Variants in IPO7 observed in about 807,000 individuals in gnomAD.
IPO7 encodes importin-7.
In IPO7, 13 loss-of-function variants were observed where a neutral mutation model predicts 136.4. The observed-to-expected ratio is 0.10, with a 90% CI of 0.06 to 0.15. IPO7 has a LOEUF of 0.15. Ranked by LOEUF, IPO7 falls within the 10% of genes least tolerant of loss-of-function variation. The pLI is 1.00. For missense variants in IPO7, 857 were observed against 1,240.6 expected (o/e 0.69, Z 4.65); for synonymous variants, 403 against 404.4 (o/e 1.00, Z 0.04).
intron 4 of IPO7, 80 bp from the exon 5 acceptor site, chr11:9,414,175 G>T: frequency 2.0e-6 from 2 of 1,007,942 alleles, no homozygotes; most frequent in South Asian, 2.0e-5. Context: ...TTATATTTGT[G>T]TAAATAAATG....
intron 5 of IPO7, among the ~76,000 whole-genome samples, chr11:9,415,692 G>A (rs1855031835): frequency 6.6e-6 from 1 of 152,002 alleles, no homozygotes; most frequent in Non-Finnish European, 1.5e-5. Flanking sequence ...CAAAAAATTA[G>A]CTGGGCGTGG....
At chr11:9,418,036 T>C (rs933530225) in intron 6 of IPO7, among the ~76,000 whole-genome samples, 13 of 149,690 alleles carry the variant, frequency 8.7e-5, no homozygotes, top group African/African-American at 2.7e-4. Flanking sequence ...TCTAGAGATA[T>C]AGGGGAATTT....
intron 1 of IPO7, among the ~76,000 whole-genome samples, chr11:9,392,776 C>T (rs1019707505): frequency 2.0e-5 from 3 of 151,878 alleles, no homozygotes; most frequent in African/African-American, 7.3e-5. Context: ...TGGCAAAACC[C>T]TGTCTCTACT....
intron 1 of IPO7, among the ~76,000 whole-genome samples, chr11:9,387,342 C>T (rs1417457381): frequency 1.3e-5 from 2 of 152,208 alleles, no homozygotes; most frequent in African/African-American, 4.8e-5. Flanking sequence ...CCTTCTGCCT[C>T]AGAGTCTTTG....
At chr11:9,443,448 C>T (rs1034006814) in intron 24 of IPO7, among the ~76,000 whole-genome samples, 2 of 150,786 alleles carry the variant, frequency 1.3e-5, no homozygotes, top group African/African-American at 2.4e-5. Flanking sequence ...CAAAATTAGC[C>T]AGGCGTGGTA....
chr11:9,392,100 A>T (rs1169747692), intron 1 of IPO7: 1 of 318,112 alleles, frequency 3.1e-6, no homozygotes, highest in African/African-American at 2.3e-5. Flanking sequence ...CTACGACTAT[A>T]ATGACTTAAC....
chr11:9,436,869 T>TATATATATATATATATA (rs1491472277), intron 20 of IPO7, among the ~76,000 whole-genome samples: 25 of 13,568 alleles, frequency 1.8e-3, no homozygotes, highest in Non-Finnish European at 2.2e-3. Context: ...TATATATATA[T>TATATATATATATATATA]TTTTTTTTTT....
chr11:9,423,764 T>C lies in IPO7; in HGVS notation c.1042-13T>C. On this transcript the variant is annotated splice_polypyrimidine_tract_variant and intron_variant, in intron 9 of 24. Coordinates refer to ENST00000379719, the MANE Select transcript of IPO7 (RefSeq NM_006391.3). The stretch of plus-strand genomic sequence containing the variant: ...AACTGATGGTTATTGTTTTCTTAAC[T>C]TTTAAATTGCAGGGCATTATCCAAG... 2 of 1,521,646 alleles carry C rather than the reference T, an allele frequency of 1.3e-6. No individual in the cohort carries two copies. The highest frequency in any genetic ancestry group is 1.8e-6 in the Non-Finnish European group (2 of 1,117,544). The allele number at this position is 1,521,646 out of a possible 1,614,324, so 94.3% of individuals were successfully genotyped here. A position where few individuals can be genotyped will look rare whatever the true frequency, so the allele number is the denominator to read the frequency against.
rs1855528925 is a variant in IPO7 at position 9,446,417 on chromosome 11, T to C, written c.*1223T>C. 6.6e-6 allele frequency: 1 copy of C among 152,172 alleles called. No homozygotes were observed. Among genetic ancestry groups the C allele is most frequent in the Admixed American group, 6.6e-5 (1 of 15,244 alleles). 9.4% of individuals were successfully genotyped at this position (152,172 alleles called of 1,614,324 possible). ...ATCGTGGTATCTGATCTTGACTAGA[T>C]AGGCTGAAGGCACATGGTTCCCTCC... On this transcript the variant is annotated 3_prime_UTR_variant, in exon 25 of 25. Transcript: ENST00000379719.
chr11:9,402,837 C>T (rs867018993), intron 1 of IPO7: 27 of 160,242 alleles, frequency 1.7e-4, no homozygotes, highest in South Asian at 3.2e-4. Flanking sequence ...TTGGGGGCGA[C>T]AGTAAGACTG....
In IPO7 at chr11:9,438,045, G is replaced by GTTTTTTTTTTTTTTT. The variant is rs202038310; in HGVS notation, c.2490-17_2490-3dup. 5.5e-5 allele frequency: 60 copies of GTTTTTTTTTTTTTTT among 1,093,640 alleles called. 2 individuals are homozygous for GTTTTTTTTTTTTTTT. Among genetic ancestry groups the GTTTTTTTTTTTTTTT allele is most frequent in the East Asian group, 2.2e-4 (6 of 27,708 alleles). 67.7% of individuals were successfully genotyped at this position (1,093,640 alleles called of 1,614,324 possible). On this transcript the variant is annotated intron_variant, in intron 21 of 24. Transcript: ENST00000379719. ...TCTGCTTATTTAAGAAAAGAAAACAGTTTTTTTTTTTTTTTTTTTTTTTTT... is the reference window on the plus strand; with the variant it reads ...TCTGCTTATTTAAGAAAAGAAAACAGTTTTTTTTTTTTTTTTTTTTTTTTTTTTTTTTTTTTTTTT...
chr11:9,444,196 C>T (rs544528021), intron 24 of IPO7, among the ~76,000 whole-genome samples: 75 of 149,584 alleles, frequency 5.0e-4, no homozygotes, highest in African/African-American at 1.7e-3. Context: ...GAGAATCGCT[C>T]GAACCTGGGA....
Position 9,422,989 on chromosome 11 carries a change from G to A in IPO7, c.907-17G>A, listed in dbSNP as rs371973107. The A allele has an allele frequency of 5.3e-5, 80 of 1,497,602 alleles. No homozygotes were observed. The highest frequency in any genetic ancestry group is 6.4e-5 in the Non-Finnish European group (71 of 1,113,574). 92.8% of individuals were successfully genotyped at this position (1,497,602 alleles called of 1,614,324 possible). A position where few individuals can be genotyped will look rare whatever the true frequency, so the allele number is the denominator to read the frequency against. ...TCTATTTGAACATTGATTTGTGATC[G>A]AAAATTTTTTTCCAAGGTTTTATTG... is the stretch of plus-strand genomic sequence containing the variant. On this transcript the variant is annotated splice_polypyrimidine_tract_variant and intron_variant, in intron 8 of 24. Coordinates refer to ENST00000379719, the MANE Select transcript of IPO7 (RefSeq NM_006391.3).
chr11:9,429,510 A>T (rs938371525), intron 14 of IPO7, among the ~76,000 whole-genome samples, 164 bp from the exon 15 acceptor site: 3 of 149,884 alleles, frequency 2.0e-5, no homozygotes, highest in African/African-American at 4.9e-5. Flanking sequence ...CCTCTTATAA[A>T]ATATATATAT....
At chr11:9,441,343 A>C (rs1370645149) in intron 23 of IPO7, among the ~76,000 whole-genome samples, 1 of 152,186 alleles carries the variant, frequency 6.6e-6, no homozygotes, top group Non-Finnish European at 1.5e-5. Flanking sequence ...ATTTACTTGG[A>C]TTTCAACAAG....
At chr11:9,428,702 A>G (rs1013587758) in intron 13 of IPO7, 73 bp downstream of exon 13, 1 of 860,238 alleles carries the variant, frequency 1.2e-6, no homozygotes, top group Non-Finnish European at 2.0e-6. Flanking sequence ...TTATATTGAA[A>G]CTTTTAAATG....
At chr11:9,392,171 C>CTTTTTTTTT (rs59866244) in intron 1 of IPO7, 110 of 185,118 alleles carry the variant, frequency 5.9e-4, no homozygotes, top group South Asian at 1.5e-3. Context: ...TTGTCAAATT[C>CTTTTTTTTT]TTTTTTTTTT....
intron 1 of IPO7, among the ~76,000 whole-genome samples, chr11:9,399,595 A>G (rs1210984330): frequency 3.9e-5 from 6 of 152,314 alleles, no homozygotes; most frequent in East Asian, 3.9e-4. Flanking sequence ...AGGGAAGTAG[A>G]GTAATAATTT....
chr11:9,390,027 A>G (rs1483910601), intron 1 of IPO7, among the ~76,000 whole-genome samples: 1 of 152,116 alleles, frequency 6.6e-6, no homozygotes, highest in African/African-American at 2.4e-5. Context: ...AAGTCTTGGG[A>G]TTACAGGCGT....
Sources: allele counts gnomAD v4.1 joint callset (sites outside exome capture counted in the v4.1 genomes callset), GRCh38; gene constraint gnomAD v4.1.1; transcripts MANE v1.5; gene names NCBI Gene and HGNC (gene_info 2026-07-23, HGNC 2026-07-21).